MYO1F: variants seen among roughly 807,000 people sequenced by gnomAD.
The protein encoded by MYO1F is unconventional myosin-If.
MYO1F carries 60 observed loss-of-function variants against 146.6 expected under a neutral mutation model. That is an observed-to-expected ratio of 0.41 (90% confidence interval 0.33 to 0.51). The LOEUF is 0.51. Among genes scored for constraint, MYO1F ranks in the 20% least tolerant of loss-of-function variants. The pLI, the probability that MYO1F is intolerant of heterozygous loss-of-function variation, is 0.25. For synonymous variants in MYO1F, 602 were observed against 602.1 expected, an observed-to-expected ratio of 1.00 and a Z score of 0.00; for missense variants, 1,274 against 1,534.3, an observed-to-expected ratio of 0.83 and a Z score of 2.83.
At chr19:8,547,990 C>CCCCCCCCCCCCCCCA in intron 12 of MYO1F, 46 bp downstream of exon 12, 3 of 1,112,570 alleles carry the variant, frequency 2.7e-6, no homozygotes, top group South Asian at 1.2e-5. Flanking sequence ...CCTTCCACCC[C>CCCCCCCCCCCCCCCA]ACCCCCACCC....
At chr19:8,555,588 C>G (rs773215733) in intron 2 of MYO1F, 71 bp downstream of exon 2, 33 of 1,604,420 alleles carry the variant, frequency 2.1e-5, no homozygotes, top group Non-Finnish European at 2.4e-5. Context: ...CTCCTTCACC[C>G]TCCTCTCCGT....
intron 1 of MYO1F, among the ~76,000 whole-genome samples, chr19:8,573,909 C>A (rs1478561179): frequency 6.6e-6 from 1 of 152,080 alleles, no homozygotes; most frequent in Non-Finnish European, 1.5e-5. Context: ...TAACCAACTA[C>A]CATTAGCAAC....
At chr19:8,551,454 C>G (rs767398667) in intron 8 of MYO1F, 8 of 406,788 alleles carry the variant, frequency 2.0e-5, no homozygotes, top group Non-Finnish European at 3.2e-5. Context: ...CGTTTTCAAG[C>G]AATTTTCCTG....
At chr19:8,528,528 AACAC>A (rs941958275) in intron 21 of MYO1F, among the ~76,000 whole-genome samples, 1 of 152,146 alleles carries the variant, frequency 6.6e-6, no homozygotes, top group Non-Finnish European at 1.5e-5. Context: ...ATTCTGACTC[AACAC>A]ACACACACAA....
At chr19:8,527,786 T>C (rs764284948) in intron 21 of MYO1F, among the ~76,000 whole-genome samples, 16 of 152,178 alleles carry the variant, frequency 1.1e-4, no homozygotes, top group Non-Finnish European at 8.8e-5. Context: ...CTAATTTTGG[T>C]ATTTTTTGTA....
In MYO1F at chr19:8,521,485, CAGAT is replaced by C; in HGVS notation, c.*39_*42del. 6.2e-7 allele frequency: 1 copy of C among 1,601,410 alleles called. No individual in the cohort carries two copies. Among genetic ancestry groups the C allele is most frequent in the African/African-American group, 1.3e-5 (1 of 74,766 alleles). On this transcript the variant is annotated 3_prime_UTR_variant, in exon 28 of 28. Coordinates refer to ENST00000644032, the MANE Select transcript of MYO1F (RefSeq NM_012335.4). Reference sequence around the variant, plus strand: ...CCTGGCTCCCCACCAGGCCGGCAGGCAGATAGGCGGGCGAAAGAGAAGGCAGTAT... The same window carrying C: ...CCTGGCTCCCCACCAGGCCGGCAGGCAGGCGGGCGAAAGAGAAGGCAGTAT...
intron 19 of MYO1F, among the ~76,000 whole-genome samples, chr19:8,533,752 G>T (rs958126805): frequency 6.6e-6 from 1 of 152,160 alleles, no homozygotes; most frequent in African/African-American, 2.4e-5. Flanking sequence ...ATAAATTGCT[G>T]TTGTGTTAAG....
rs139742204 is a variant in MYO1F, at chr19:8,525,668, C to A, written c.2771-106G>T. The A allele has an allele frequency of 1.2e-4, 116 of 939,280 alleles. No individual in the cohort carries two copies. In the African/African-American group the frequency reaches 1.5e-3, roughly 12 times the overall value. The allele number at this position is 939,280 out of a possible 1,614,324, so 58.2% of individuals were successfully genotyped here. A position where few individuals can be genotyped will look rare whatever the true frequency, so the allele number is the denominator to read the frequency against. ...CTCCGCCGCACCCCGCCCCCTCAGG[C>A]TCTCCCATTAGCACCGCCCCTTAGG... On this transcript the variant is annotated intron_variant, in intron 24 of 27. Transcript: ENST00000644032.
chr19:8,549,109 C>T (rs2145909136), intron 10 of MYO1F, among the ~76,000 whole-genome samples: 1 of 152,174 alleles, frequency 6.6e-6, no homozygotes, highest in East Asian at 1.9e-4. Context: ...CGCCACCACG[C>T]CCGGCTAATT....
intron 15 of MYO1F, 151 bp from the exon 16 acceptor site, chr19:8,540,179 G>GT (rs1972901069): frequency 6.6e-6 from 4 of 610,270 alleles, no homozygotes; most frequent in Admixed American, 6.3e-5. Context: ...CAGAGGGTTG[G>GT]TTTTTTGGTT....
chr19:8,543,948 CTGGTGG>C lies in MYO1F; in HGVS notation c.1524+343_1524+348del, dbSNP rs202093600. ...GGTGGTGGTGGTGGTGCTGGTGGTG[CTGGTGG>C]TGGTGGTGGTGGTGGTGCTGGTGCT... On this transcript the variant is annotated intron_variant, in intron 14 of 27. Coordinates refer to ENST00000644032, the MANE Select transcript of MYO1F (RefSeq NM_012335.4). The C allele has an allele frequency of 2.0e-3, 119 of 59,708 alleles. 2 individuals carry two copies. Among genetic ancestry groups the C allele is most frequent in the South Asian group, 5.3e-3 (45 of 8,466 alleles). The allele number at this position is 59,708 out of a possible 1,614,324, so 3.7% of individuals were successfully genotyped here. A position where few individuals can be genotyped will look rare whatever the true frequency, so the allele number is the denominator to read the frequency against.
chr19:8,548,856 G>A (rs568927178), intron 10 of MYO1F, among the ~76,000 whole-genome samples: 1 of 151,874 alleles, frequency 6.6e-6, no homozygotes, highest in Non-Finnish European at 1.5e-5. Context: ...CCAAAGTGCC[G>A]GGATTACAGG....
At chr19:8,570,218 G>A (rs1393137185) in intron 1 of MYO1F, among the ~76,000 whole-genome samples, 12 of 151,928 alleles carry the variant, frequency 7.9e-5, no homozygotes, top group Non-Finnish European at 1.0e-4. Flanking sequence ...GATTACAGGC[G>A]TGCACAACGC....
chr19:8,550,147 C>T lies in MYO1F; in HGVS notation c.1101+13G>A. 6.2e-7 allele frequency: 1 copy of T among 1,613,352 alleles called. No homozygotes were observed. Among genetic ancestry groups the T allele is most frequent in the Non-Finnish European group, 8.5e-7 (1 of 1,180,028 alleles). On this transcript the variant is annotated intron_variant, in intron 10 of 27. Coordinates refer to ENST00000644032, the MANE Select transcript of MYO1F (RefSeq NM_012335.4). ...GAGCATCCACTCTGCCTTCCAGCCC[C>T]AGCCCCACTCGCCTCCACGAGGAAG...
chr19:8,547,204 A>G (rs968411337), intron 12 of MYO1F, among the ~76,000 whole-genome samples: 1 of 147,152 alleles, frequency 6.8e-6, no homozygotes, highest in African/African-American at 2.5e-5. Flanking sequence ...GAGAGGCTGA[A>G]GTGGGAGGAT....
rs566275232 is a variant in MYO1F at position 8,545,491 on chromosome 19, G to T, written c.1356+159C>A. 8.3e-6 allele frequency: 6 copies of T among 725,746 alleles called. 1 individual carries two copies. In the Middle Eastern group the frequency reaches 1.2e-3, roughly 139 times the overall value. The allele number at this position is 725,746 out of a possible 1,614,324, so 45.0% of individuals were successfully genotyped here. On this transcript the variant is annotated intron_variant, in intron 13 of 27. Transcript: ENST00000644032. ...TAGGCGGAATGAATGGATGAGGGGCGGAAGGGACATTTTGGTTGTTATCTG... is the reference window on the plus strand; with the variant it reads ...TAGGCGGAATGAATGGATGAGGGGCTGAAGGGACATTTTGGTTGTTATCTG...
intron 1 of MYO1F, among the ~76,000 whole-genome samples, chr19:8,559,993 A>T (rs1384410791): frequency 6.7e-6 from 1 of 149,964 alleles, no homozygotes; most frequent in Non-Finnish European, 1.5e-5. Flanking sequence ...ACACTCAGCG[A>T]GCACCTATGC....
rs759632182 is a variant in MYO1F at position 8,554,735 on chromosome 19, G to C, written c.150C>G (p.Ile50Met). ...GGTTTACAGAGATGAGCACAGAGCC[G>C]ATGTAGGTCTGAGGGATGGTTAAGG... ...RFMDDYIFTY[I>M]GSVLISVNPF... The change falls in exon 3 of 28, where the codon ATC becomes ATG. Residue 50 changes from isoleucine (I) to methionine (M), a missense_variant. By Grantham distance (10) the Ile-to-Met change is conservative. Transcript: ENST00000644032. 1.2e-6 allele frequency: 2 copies of C among 1,613,922 alleles called. No individual in the cohort carries two copies. The highest frequency in any genetic ancestry group is 2.2e-5 in the South Asian group (2 of 91,078).
chr19:8,562,204 T>C (rs1004661808), intron 1 of MYO1F, among the ~76,000 whole-genome samples: 1 of 151,836 alleles, frequency 6.6e-6, no homozygotes, highest in Non-Finnish European at 1.5e-5. Flanking sequence ...GGTTTCACCG[T>C]GTTAGCCAGG....
Sources: allele counts gnomAD v4.1 joint callset (sites outside exome capture counted in the v4.1 genomes callset), GRCh38; gene constraint gnomAD v4.1.1; transcripts MANE v1.5; gene names NCBI Gene and HGNC (gene_info 2026-07-23, HGNC 2026-07-21).